Variants in TANC2 observed in about 807,000 individuals in gnomAD.
TANC2 encodes the protein protein TANC2.
TANC2 carries 26 observed loss-of-function variants against 210.5 expected under a neutral mutation model. The ratio of observed to expected loss-of-function variants is 0.12; its 90% CI spans 0.09 to 0.17. The LOEUF is 0.17. Ranked by LOEUF, TANC2 falls within the 10% of genes least tolerant of loss-of-function variation. The pLI is 1.00. For missense variants in TANC2, 2,129 were observed against 2,608.9 expected, an observed-to-expected ratio of 0.82 and a Z score of 4.01; for synonymous variants, 931 against 967.1, an observed-to-expected ratio of 0.96 and a Z score of 0.69.
intron 8 of TANC2, among the ~76,000 whole-genome samples, chr17:63,257,394 G>C (rs1183301983): frequency 6.6e-6 from 1 of 152,056 alleles, no homozygotes; most frequent in Non-Finnish European, 1.5e-5. Context: ...GTCTCACTTT[G>C]TTACCCAGGG....
intron 7 of TANC2, among the ~76,000 whole-genome samples, chr17:63,233,441 C>A (rs1304410597): frequency 6.6e-6 from 1 of 152,222 alleles, no homozygotes; most frequent in Non-Finnish European, 1.5e-5. Context: ...CACAATCACT[C>A]ACTACCACCT....
intron 1 of TANC2, among the ~76,000 whole-genome samples, chr17:63,002,973 C>T (rs769750235): frequency 8.5e-5 from 13 of 152,054 alleles, no homozygotes; most frequent in Non-Finnish European, 1.6e-4. Context: ...GTTTTAATTT[C>T]TCTTGGGTAA....
chr17:63,275,267 A>G (rs1421962881), intron 9 of TANC2, among the ~76,000 whole-genome samples: 3 of 152,172 alleles, frequency 2.0e-5, no homozygotes, highest in Admixed American at 2.0e-4. Context: ...ACTAAATCTC[A>G]TTACATAAAA....
chr17:63,249,737 C>G (rs1164321823), intron 8 of TANC2, among the ~76,000 whole-genome samples: 4 of 152,142 alleles, frequency 2.6e-5, no homozygotes, highest in Non-Finnish European at 4.4e-5. Context: ...TTTCAGCAGT[C>G]AGAACGTTGG....
At chr17:63,121,243 C>T (rs1034572247) in intron 4 of TANC2, among the ~76,000 whole-genome samples, 1 of 152,068 alleles carries the variant, frequency 6.6e-6, no homozygotes, top group Non-Finnish European at 1.5e-5. Context: ...TGTAAGAAAA[C>T]ATTTTTACCA....
intron 8 of TANC2, among the ~76,000 whole-genome samples, chr17:63,246,030 A>G (rs2042910395): frequency 6.6e-6 from 1 of 151,032 alleles, no homozygotes; most frequent in Non-Finnish European, 1.5e-5. Flanking sequence ...AAAAAATTAT[A>G]TGTATGTAGG....
chr17:63,263,518 G>A (rs1202713427), intron 8 of TANC2, among the ~76,000 whole-genome samples: 1 of 152,120 alleles, frequency 6.6e-6, no homozygotes, highest in Non-Finnish European at 1.5e-5. Flanking sequence ...ATATTTCACA[G>A]AATATCACTT....
intron 1 of TANC2, chr17:62,968,596 A>G (rs2031499725): frequency 6.6e-6 from 1 of 152,202 alleles, no homozygotes; most frequent in Non-Finnish European, 1.5e-5. Context: ...ACTGTAAGCC[A>G]TATGTACTGC....
chr17:63,309,594 A>T (rs1025276480), intron 9 of TANC2, among the ~76,000 whole-genome samples: 1 of 152,180 alleles, frequency 6.6e-6, no homozygotes, highest in Non-Finnish European at 1.5e-5. Context: ...TGGTTTAAGA[A>T]GATGTTTTAT....
intron 19 of TANC2, among the ~76,000 whole-genome samples, chr17:63,401,277 C>T (rs2147252562): frequency 6.6e-6 from 1 of 152,290 alleles, no homozygotes; most frequent in African/African-American, 2.4e-5. Flanking sequence ...ACCTAAGTGA[C>T]AATTTTTAAC....
intron 5 of TANC2, among the ~76,000 whole-genome samples, chr17:63,156,420 GA>G (rs11373026): frequency 7.5e-4 from 106 of 142,052 alleles, no homozygotes; most frequent in Middle Eastern, 7.0e-3. Context: ...GGTTGAAATG[GA>G]AAAAAAAAAA....
At chr17:63,358,976 TTGTGTGTGTG>T (rs34338483) in intron 14 of TANC2, among the ~76,000 whole-genome samples, 3 of 147,806 alleles carry the variant, frequency 2.0e-5, no homozygotes, top group Admixed American at 1.3e-4. Flanking sequence ...AGATTAATAT[TTGTGTGTGTG>T]TGTGTGTGTG....
intron 4 of TANC2, among the ~76,000 whole-genome samples, chr17:63,125,784 T>G (rs2038685619): frequency 6.6e-6 from 1 of 152,244 alleles, no homozygotes; most frequent in African/African-American, 2.4e-5. Context: ...AATGAGAAGC[T>G]TTGATATAAT....
intron 4 of TANC2, among the ~76,000 whole-genome samples, chr17:63,132,130 A>G (rs1469040234): frequency 6.6e-6 from 1 of 152,188 alleles, no homozygotes; most frequent in Non-Finnish European, 1.5e-5. Flanking sequence ...GTAAAATGAC[A>G]GAAATCACAA....
chr17:63,335,773 G>A (rs1182429562), intron 11 of TANC2, among the ~76,000 whole-genome samples: 2 of 152,032 alleles, frequency 1.3e-5, no homozygotes, highest in African/African-American at 4.8e-5. Context: ...TTTGAATAAT[G>A]TCTATAGGTA....
At chr17:63,170,141 T>G (rs996855609) in intron 5 of TANC2, among the ~76,000 whole-genome samples, 5 of 127,684 alleles carry the variant, frequency 3.9e-5, no homozygotes, top group African/African-American at 1.2e-4. Context: ...AAAAAAAAAT[T>G]TATTGGCGGG....
chr17:63,277,623 T>A (rs1272415124), intron 9 of TANC2, among the ~76,000 whole-genome samples: 3 of 151,900 alleles, frequency 2.0e-5, no homozygotes, highest in Middle Eastern at 3.4e-3. Flanking sequence ...TTATTACCTT[T>A]AAAATTAACT....
chr17:63,359,768 T>A (rs1335716621), intron 14 of TANC2, among the ~76,000 whole-genome samples: 1 of 152,212 alleles, frequency 6.6e-6, no homozygotes, highest in Non-Finnish European at 1.5e-5. Context: ...AAGGTTGTGA[T>A]GTGGGAGCCT....
intron 3 of TANC2, among the ~76,000 whole-genome samples, chr17:63,090,299 G>A (rs965853561): frequency 6.6e-6 from 1 of 151,014 alleles, no homozygotes; most frequent in Non-Finnish European, 1.5e-5. Flanking sequence ...TGCCATGTTG[G>A]TGTGCTGCAC....
Sources: allele counts gnomAD v4.1 joint callset (sites outside exome capture counted in the v4.1 genomes callset), GRCh38; gene constraint gnomAD v4.1.1; transcripts MANE v1.5; gene names NCBI Gene and HGNC (gene_info 2026-07-23, HGNC 2026-07-21).